Variants in CDH12 observed in about 807,000 individuals in gnomAD.
CDH12 encodes cadherin-12.
CDH12 carries 41 observed loss-of-function variants against 74.1 expected under a neutral mutation model. The ratio of observed to expected loss-of-function variants is 0.55; its 90% CI spans 0.43 to 0.72. The LOEUF (loss-of-function observed/expected upper bound fraction) is 0.72, where lower values mean the gene tolerates loss of function less well. Among genes scored for constraint, CDH12 ranks in the 30% least tolerant of loss-of-function variants. The probability of loss-of-function intolerance (pLI) is 0.00; values close to 1 mark genes in which losing one functional copy is unlikely to be tolerated. For missense variants in CDH12, 945 were observed against 977.2 expected (o/e 0.97, Z 0.44); for synonymous variants, 399 against 355.0 (o/e 1.12, Z -1.39).
At chr5:21,826,830 A>C (rs1284725063) in intron 8 of CDH12, among the ~76,000 whole-genome samples, 1 of 152,136 alleles carries the variant, frequency 6.6e-6, no homozygotes, top group Non-Finnish European at 1.5e-5. Flanking sequence ...TTTTATCTTC[A>C]CATCAAGACT....
intron 8 of CDH12, among the ~76,000 whole-genome samples, chr5:21,822,088 T>G (rs539947713): frequency 4.1e-4 from 63 of 152,076 alleles, no homozygotes; most frequent in African/African-American, 1.2e-3. Flanking sequence ...TTCCTGATCG[T>G]TTAAAATATC....
chr5:22,726,895 T>C (rs1216102330), intron 1 of CDH12, among the ~76,000 whole-genome samples: 1 of 151,830 alleles, frequency 6.6e-6, no homozygotes, highest in Non-Finnish European at 1.5e-5. Context: ...AAAGAATACT[T>C]ATATATTGTT....
intron 1 of CDH12, among the ~76,000 whole-genome samples, chr5:22,529,759 G>A (rs1272058577): frequency 6.6e-6 from 1 of 152,060 alleles, no homozygotes. Flanking sequence ...AGAGACATTG[G>A]CTATCTTTTT....
chr5:22,208,172 A>G (rs1230405025), intron 4 of CDH12, among the ~76,000 whole-genome samples: 1 of 152,208 alleles, frequency 6.6e-6, no homozygotes, highest in Non-Finnish European at 1.5e-5. Flanking sequence ...ATTGTCTACC[A>G]GAACTATGAA....
At chr5:21,861,289 A>T (rs954085858) in intron 6 of CDH12, among the ~76,000 whole-genome samples, 3 of 151,912 alleles carry the variant, frequency 2.0e-5, no homozygotes, top group Non-Finnish European at 4.4e-5. Flanking sequence ...CATGAAAGAG[A>T]TATAACTAAC....
At chr5:22,641,506 C>G (rs936745192) in intron 1 of CDH12, among the ~76,000 whole-genome samples, 1 of 152,070 alleles carries the variant, frequency 6.6e-6, no homozygotes, top group Non-Finnish European at 1.5e-5. Flanking sequence ...CCAGAGTCAC[C>G]CTCACAGGCC....
At chr5:22,759,946 T>C (rs561087522) in intron 1 of CDH12, among the ~76,000 whole-genome samples, 10 of 152,288 alleles carry the variant, frequency 6.6e-5, no homozygotes, top group Non-Finnish European at 1.2e-4. Context: ...CTCTTTTTCT[T>C]AAGGTCTTCA....
At chr5:21,878,365 G>A (rs186065201) in intron 6 of CDH12, among the ~76,000 whole-genome samples, 2 of 152,228 alleles carry the variant, frequency 1.3e-5, no homozygotes, top group South Asian at 2.1e-4. Flanking sequence ...TATTTCATAT[G>A]CCTTCTGATC....
intron 4 of CDH12, among the ~76,000 whole-genome samples, chr5:22,162,974 G>A (rs1363523741): frequency 7.1e-6 from 1 of 140,576 alleles, no homozygotes; most frequent in Non-Finnish European, 1.5e-5. Context: ...TCTGCTCACT[G>A]CAAGCTCCGC....
intron 1 of CDH12, among the ~76,000 whole-genome samples, chr5:22,744,155 C>T (rs182193501): frequency 1.2e-3 from 176 of 152,124 alleles, no homozygotes; most frequent in African/African-American, 4.1e-3. Context: ...ATAGGCCAGG[C>T]GCGGTGGCTC....
intron 1 of CDH12, among the ~76,000 whole-genome samples, chr5:22,746,536 C>G (rs771070445): frequency 6.6e-5 from 10 of 152,048 alleles, no homozygotes; most frequent in African/African-American, 2.4e-4. Context: ...AAAATCAACA[C>G]CAAGAAAGAG....
intron 1 of CDH12, among the ~76,000 whole-genome samples, chr5:22,577,648 T>C (rs989553305): frequency 1.3e-5 from 2 of 152,160 alleles, no homozygotes; most frequent in African/African-American, 4.8e-5. Flanking sequence ...GAGAATGAGA[T>C]TGTATCTTCA....
At chr5:22,382,819 C>CATT (rs10567578) in intron 3 of CDH12, among the ~76,000 whole-genome samples, 2,224 of 150,656 alleles carry the variant, frequency 0.015, 28 homozygotes, top group Middle Eastern at 0.028. Flanking sequence ...TTCATGTTAT[C>CATT]ATTATTATTA....
intron 5 of CDH12, among the ~76,000 whole-genome samples, chr5:22,047,015 C>G (rs943773162): frequency 7.2e-5 from 11 of 152,078 alleles, no homozygotes; most frequent in Non-Finnish European, 1.2e-4. Flanking sequence ...GTGGCATCTC[C>G]CCAACACTTT....
intron 6 of CDH12, among the ~76,000 whole-genome samples, chr5:21,957,122 T>C (rs1258726867): frequency 6.6e-6 from 1 of 152,160 alleles, no homozygotes; most frequent in Non-Finnish European, 1.5e-5. Flanking sequence ...TGTCCATGTG[T>C]TCTCATAATT....
intron 4 of CDH12, among the ~76,000 whole-genome samples, chr5:22,126,009 G>GT (rs1554013074): frequency 1.4e-5 from 2 of 138,532 alleles, no homozygotes; most frequent in Admixed American, 7.3e-5. Context: ...TTGGGGGGGG[G>GT]ACAAATTCTA....
At chr5:22,654,629 T>G (rs1207702091) in intron 1 of CDH12, among the ~76,000 whole-genome samples, 1 of 149,360 alleles carries the variant, frequency 6.7e-6, no homozygotes. Context: ...GTTTGCTTGT[T>G]TTTTTTTTGT....
intron 3 of CDH12, among the ~76,000 whole-genome samples, chr5:22,267,418 T>C (rs1328436718): frequency 6.6e-6 from 1 of 152,204 alleles, no homozygotes; most frequent in East Asian, 1.9e-4. Context: ...TACGTGATTA[T>C]GAAATCACAG....
chr5:21,819,021 G>A lies in CDH12; in HGVS notation c.815-1889C>T, dbSNP rs190753585. Among the ~76,000 whole-genome samples the A allele has an allele frequency of 1.6e-4, 24 of 152,064 alleles. 1 individual carries two copies. In the South Asian group the frequency reaches 4.8e-3, roughly 30 times the overall value. ...CATTTAGGGATGCTTAATGTTTGCT[G>A]AACTTAAAGCAGTGATTGAATTTGA... On this transcript the variant is annotated intron_variant, in intron 8 of 14. Transcript: ENST00000382254.
Sources: gnomAD v4.1 joint callset for allele counts (sites outside exome capture counted in the v4.1 genomes callset) on GRCh38, gnomAD v4.1.1 for gene constraint, MANE v1.5 for transcripts, NCBI Gene and HGNC (gene_info 2026-07-23, HGNC 2026-07-21) for gene names.